NEK11: variants seen among roughly 807,000 people sequenced by gnomAD.
NEK11 encodes the protein NIMA related kinase 11, also known as serine/threonine-protein kinase Nek11.
A neutral mutation model predicts 80.7 loss-of-function variants in NEK11; 72 were observed. That is an observed-to-expected ratio of 0.89 (90% CI 0.74 to 1.08). The LOEUF (loss-of-function observed/expected upper bound fraction) is 1.08, where lower values mean the gene tolerates loss of function less well. Ranked by LOEUF, NEK11 falls within the 50% of genes least tolerant of loss-of-function variation. The probability of loss-of-function intolerance (pLI) is 0.00; values close to 1 mark genes in which losing one functional copy is unlikely to be tolerated. For synonymous variants in NEK11, 251 were observed against 260.7 expected (o/e 0.96, Z 0.36); for missense variants, 764 against 763.6 (o/e 1.00, Z -0.01).
chr3:131,131,219 G>A (rs2149572998), intron 5 of NEK11, among the ~76,000 whole-genome samples: 1 of 152,270 alleles, frequency 6.6e-6, no homozygotes, highest in Admixed American at 6.5e-5. Context: ...TTTAATGTTA[G>A]GATGATGCTG....
intron 3 of NEK11, among the ~76,000 whole-genome samples, chr3:131,077,341 T>A (rs2074525148): frequency 6.6e-6 from 1 of 152,202 alleles, no homozygotes; most frequent in African/African-American, 2.4e-5. Flanking sequence ...CAATGAGAGT[T>A]TCCTCTGTCA....
At chr3:131,281,350 T>C (rs1437854492) in intron 17 of NEK11, among the ~76,000 whole-genome samples, 2 of 152,212 alleles carry the variant, frequency 1.3e-5, no homozygotes, top group Non-Finnish European at 2.9e-5. Context: ...CTCCTGCTGC[T>C]TAAGAAATTG....
At chr3:131,267,253 C>T (rs1365638786) in intron 16 of NEK11, among the ~76,000 whole-genome samples, 1 of 152,204 alleles carries the variant, frequency 6.6e-6, no homozygotes, top group East Asian at 1.9e-4. Context: ...CTTTATTTTG[C>T]TCATTAGTTG....
At chr3:131,285,491 A>G (rs2096459633) in intron 17 of NEK11, among the ~76,000 whole-genome samples, 1 of 152,208 alleles carries the variant, frequency 6.6e-6, no homozygotes, top group South Asian at 2.1e-4. Context: ...GCTGAGGGCA[A>G]TTCTTCAAGA....
intron 17 of NEK11, among the ~76,000 whole-genome samples, chr3:131,279,959 C>T (rs926509648): frequency 7.9e-5 from 12 of 152,200 alleles, no homozygotes; most frequent in Admixed American, 4.6e-4. Context: ...GTTTCCCTGT[C>T]AGACTTGTCA....
At chr3:131,322,361 C>T (rs748156) in intron 17 of NEK11, among the ~76,000 whole-genome samples, 19,665 of 151,936 alleles carry the variant, frequency 0.13, 1,898 homozygotes, top group East Asian at 0.3. Flanking sequence ...GGTGATCGGG[C>T]CATTCATATC....
chr3:131,312,156 T>G (rs990591356), intron 17 of NEK11, among the ~76,000 whole-genome samples: 1 of 152,222 alleles, frequency 6.6e-6, no homozygotes, highest in Non-Finnish European at 1.5e-5. Context: ...CCTGAGATGT[T>G]AGGAGCACGG....
intron 17 of NEK11, among the ~76,000 whole-genome samples, chr3:131,274,712 G>A (rs891488395): frequency 1.5e-4 from 20 of 131,494 alleles, no homozygotes; most frequent in Non-Finnish European, 6.2e-5. Context: ...GGACTGCAGT[G>A]GCGCAATCTC....
intron 15 of NEK11, among the ~76,000 whole-genome samples, chr3:131,236,277 G>T (rs2095428780): frequency 6.6e-6 from 1 of 152,174 alleles, no homozygotes; most frequent in Non-Finnish European, 1.5e-5. Context: ...TCTAGAAATG[G>T]ATTGTTGCAG....
chr3:131,157,336 G>A (rs190422430), intron 10 of NEK11, among the ~76,000 whole-genome samples: 8 of 151,956 alleles, frequency 5.3e-5, no homozygotes, highest in Middle Eastern at 6.8e-3. Flanking sequence ...TAGATTTTGC[G>A]CCTGAGGTAT....
At chr3:131,102,608 T>G (rs1201253390) in intron 4 of NEK11, among the ~76,000 whole-genome samples, 2 of 152,222 alleles carry the variant, frequency 1.3e-5, no homozygotes, top group Non-Finnish European at 1.5e-5. Flanking sequence ...TTTAAGATTT[T>G]TTCTTTTACC....
chr3:131,245,768 T>C (rs917134715), intron 16 of NEK11, among the ~76,000 whole-genome samples: 1 of 152,132 alleles, frequency 6.6e-6, no homozygotes, highest in Non-Finnish European at 1.5e-5. Flanking sequence ...TTCATGCATG[T>C]CTTTTGCCCA....
chr3:131,215,320 G>GT (rs1553941351), intron 14 of NEK11, among the ~76,000 whole-genome samples: 1 of 151,728 alleles, frequency 6.6e-6, no homozygotes, highest in Non-Finnish European at 1.5e-5. Flanking sequence ...TATACCTAAT[G>GT]TAAATGACGA....
chr3:131,320,548 A>T (rs936939842), intron 17 of NEK11, among the ~76,000 whole-genome samples: 1 of 152,032 alleles, frequency 6.6e-6, no homozygotes, highest in African/African-American at 2.4e-5. Context: ...AGAAGGAAAG[A>T]CAGCTGTAGC....
intron 14 of NEK11, among the ~76,000 whole-genome samples, chr3:131,200,086 G>A (rs1469153557): frequency 6.6e-6 from 1 of 152,116 alleles, no homozygotes; most frequent in African/African-American, 2.4e-5. Flanking sequence ...AACCAAAGAT[G>A]TAGAGATTCT....
intron 3 of NEK11, among the ~76,000 whole-genome samples, chr3:131,059,166 T>G (rs1227343939): frequency 6.6e-6 from 1 of 152,160 alleles, no homozygotes; most frequent in Non-Finnish European, 1.5e-5. Flanking sequence ...AAAATATGTT[T>G]TAGCTAATCA....
chr3:131,318,496 AT>A (rs1219306656), intron 17 of NEK11, among the ~76,000 whole-genome samples: 2 of 152,082 alleles, frequency 1.3e-5, no homozygotes, highest in Non-Finnish European at 2.9e-5. Flanking sequence ...TACTTACAGA[AT>A]TTTTTTAATA....
At chr3:131,119,454 G>A (rs1218984229) in intron 5 of NEK11, among the ~76,000 whole-genome samples, 5 of 152,166 alleles carry the variant, frequency 3.3e-5, no homozygotes, top group Non-Finnish European at 7.4e-5. Context: ...CCGTTGATTT[G>A]GGGTGGAGAG....
At chr3:131,132,679 A>G (rs1553891669) in intron 5 of NEK11, 66 bp from the exon 6 acceptor site, 7 of 806,090 alleles carry the variant, frequency 8.7e-6, no homozygotes, top group Non-Finnish European at 4.0e-6. Flanking sequence ...AACATATATT[A>G]TTTACATGGG....
Sources: allele counts gnomAD v4.1 joint callset (sites outside exome capture counted in the v4.1 genomes callset), GRCh38; gene constraint gnomAD v4.1.1; transcripts MANE v1.5; gene names NCBI Gene and HGNC (gene_info 2026-07-23, HGNC 2026-07-21).